Variants in ATRNL1 observed in about 807,000 individuals in gnomAD.
ATRNL1 encodes the protein attractin-like protein 1.
In ATRNL1, 95 loss-of-function variants were observed where a neutral mutation model predicts 182.7. The observed-to-expected ratio is 0.52, with a 90% CI of 0.44 to 0.62. The LOEUF (loss-of-function observed/expected upper bound fraction) is 0.62, where lower values mean the gene tolerates loss of function less well. ATRNL1 is among the 20% of genes least tolerant of loss of function. The pLI is 0.00. For missense variants in ATRNL1, 1,471 were observed against 1,679.5 expected (o/e 0.88, Z 2.17); for synonymous variants, 576 against 568.3 (o/e 1.01, Z -0.19).
At chr10:115,835,312 A>G (rs1285254533) in intron 27 of ATRNL1, among the ~76,000 whole-genome samples, 6 of 152,140 alleles carry the variant, frequency 3.9e-5, no homozygotes, top group African/African-American at 1.4e-4. Context: ...AGTAAGATAC[A>G]TTGAATCATT....
intron 27 of ATRNL1, among the ~76,000 whole-genome samples, chr10:115,741,054 C>T (rs1169195203): frequency 1.3e-5 from 2 of 152,016 alleles, no homozygotes; most frequent in Non-Finnish European, 2.9e-5. Context: ...ATACTATGAA[C>T]AATTGTCTCC....
At chr10:115,675,845 C>T (rs528627388) in intron 26 of ATRNL1, among the ~76,000 whole-genome samples, 1 of 152,100 alleles carries the variant, frequency 6.6e-6, no homozygotes, top group Admixed American at 6.6e-5. Flanking sequence ...TTATTATGCT[C>T]ATATCTTAAA....
At position 115,362,716 on chromosome 10, in the gene ATRNL1, T is replaced by A. The variant is rs974451527; in HGVS notation, c.3175+28297T>A. ...CCCCAGAGTGTGATATTCCCCTTCC[T>A]GTGTCCATGTGATCTCATTGTTCAA... On this transcript the variant is annotated intron_variant, in intron 19 of 28. Coordinates refer to ENST00000355044, the MANE Select transcript of ATRNL1 (RefSeq NM_207303.4). Among the ~76,000 whole-genome samples the A allele has an allele frequency of 7.9e-5, 12 of 151,862 alleles. No individual in the cohort carries two copies. The East Asian group carries it at 1.9e-3, about 25-fold the overall frequency.
At position 115,320,991 on chromosome 10, in the gene ATRNL1, ATTCT is replaced by A. The variant is rs1279123724; in HGVS notation, c.3037+5260_3037+5263del. On this transcript the variant is annotated intron_variant, in intron 18 of 28. Coordinates refer to ENST00000355044, the MANE Select transcript of ATRNL1 (RefSeq NM_207303.4). ...TTTGGCATTTTTGTTGTTGTTGTTG[ATTCT>A]TTCTCATCTTCTTGAGTTTGTCTAG... Among the ~76,000 whole-genome samples the A allele has an allele frequency of 5.9e-5, 9 of 151,604 alleles. No individual in the cohort carries two copies. The East Asian group carries it at 1.7e-3, about 29-fold the overall frequency.
At chr10:115,360,373 CAAA>C (rs1554943866) in intron 19 of ATRNL1, among the ~76,000 whole-genome samples, 2 of 151,622 alleles carry the variant, frequency 1.3e-5, no homozygotes, top group African/African-American at 2.4e-5. Context: ...AAAGAAAATA[CAAA>C]CAGTTCCCCC....
intron 27 of ATRNL1, among the ~76,000 whole-genome samples, chr10:115,800,494 AC>A (rs1949766851): frequency 6.6e-6 from 1 of 152,188 alleles, no homozygotes; most frequent in Non-Finnish European, 1.5e-5. Context: ...GAAGTATGTT[AC>A]CATCTGTTTT....
rs568844752 is a variant in ATRNL1, at chr10:115,758,551, A to G, written c.3903+31196A>G. 4.6e-5 allele frequency among the ~76,000 whole-genome samples: 7 copies of G among 152,180 alleles called. No homozygotes were observed. The South Asian group carries it at 1.4e-3, about 31-fold the overall frequency. On this transcript the variant is annotated intron_variant, in intron 27 of 28. Transcript: ENST00000355044. ...ATGCCAGCCAGAGCTCTCCTGTATG[A>G]GGTGTCTGTCGGCTCCTACTGGGAG... is the stretch of plus-strand genomic sequence containing the variant.
At chr10:115,463,453 C>T (rs1847909671) in intron 22 of ATRNL1, among the ~76,000 whole-genome samples, 1 of 152,058 alleles carries the variant, frequency 6.6e-6, no homozygotes, top group Non-Finnish European at 1.5e-5. Flanking sequence ...CTACATTTAT[C>T]AATGTGATAA....
At chr10:115,467,383 G>A in intron 23 of ATRNL1, 131 bp downstream of exon 23, 3 of 516,602 alleles carry the variant, frequency 5.8e-6, no homozygotes, top group East Asian at 3.5e-5. Context: ...TGCTGTTACT[G>A]GTAAAAATAA....
intron 1 of ATRNL1, among the ~76,000 whole-genome samples, chr10:115,119,892 A>G (rs1301847522): frequency 1.3e-5 from 2 of 152,078 alleles, no homozygotes; most frequent in African/African-American, 2.4e-5. Flanking sequence ...TCTATTTTGC[A>G]TCAACATTGA....
rs1290785363 is a variant in ATRNL1, at chr10:115,855,746, A to G, written c.4018+7755A>G. On this transcript the variant is annotated intron_variant, in intron 28 of 28. Transcript: ENST00000355044. ...CAAGCTACATATCTCAGGGACCGAA[A>G]TCAAGCCCAAAACTGTACTTTCAAT... 4.6e-5 allele frequency among the ~76,000 whole-genome samples: 7 copies of G among 152,348 alleles called. No individual in the cohort carries two copies. The Middle Eastern group carries it at 0.014, about 296-fold the overall frequency.
intron 1 of ATRNL1, among the ~76,000 whole-genome samples, chr10:115,119,304 A>C (rs554684126): frequency 6.6e-6 from 1 of 152,200 alleles, no homozygotes; most frequent in East Asian, 1.9e-4. Context: ...AGGAAAATTT[A>C]ATTTTATCTA....
At chr10:115,653,189 C>G (rs1405012602) in intron 26 of ATRNL1, among the ~76,000 whole-genome samples, 1 of 152,108 alleles carries the variant, frequency 6.6e-6, no homozygotes, top group Non-Finnish European at 1.5e-5. Flanking sequence ...TGTCACTTTT[C>G]AAAAGTGTTA....
rs534935993 is a variant in ATRNL1 at position 115,898,153 on chromosome 10, T to A, written c.4019-46505T>A. Among the ~76,000 whole-genome samples, 4 of 152,220 alleles carry A rather than the reference T, an allele frequency of 2.6e-5. No homozygotes were observed. The East Asian group carries it at 7.7e-4, about 29-fold the overall frequency. On this transcript the variant is annotated intron_variant, in intron 28 of 28. Transcript: ENST00000355044. ...TGTTGGCCAGGATGGTCTCAATCTC[T>A]TGACCTCATGATCTGCCCACCTTGG...
At chr10:115,327,928 A>C (rs1417968257) in intron 18 of ATRNL1, among the ~76,000 whole-genome samples, 1 of 151,130 alleles carries the variant, frequency 6.6e-6, no homozygotes, top group Non-Finnish European at 1.5e-5. Context: ...CACTCTGGGG[A>C]CTGTTGTGGG....
chr10:115,730,707 T>C (rs1947771807), intron 27 of ATRNL1, among the ~76,000 whole-genome samples: 1 of 152,282 alleles, frequency 6.6e-6, no homozygotes, highest in East Asian at 1.9e-4. Flanking sequence ...ATTTCTTCCC[T>C]GAGATGAGCC....
At chr10:115,942,845 TTA>T (rs1249212446) in intron 28 of ATRNL1, among the ~76,000 whole-genome samples, 1 of 152,146 alleles carries the variant, frequency 6.6e-6, no homozygotes, top group African/African-American at 2.4e-5. Flanking sequence ...TACTCAAGAG[TTA>T]TATGGGACTC....
intron 26 of ATRNL1, among the ~76,000 whole-genome samples, chr10:115,580,840 T>C (rs1855024877): frequency 6.6e-6 from 1 of 152,168 alleles, no homozygotes; most frequent in South Asian, 2.1e-4. Context: ...GAGTCCTCTA[T>C]TGATTTTTTC....
Position 115,451,814 on chromosome 10 carries a change from TG to T in ATRNL1, c.3323-10126del, listed in dbSNP as rs368056495. ...TACCATAAAGACACGTGCACACAAA[TG>T]TCCACTGCAGCACTGTTCACAATAG... On this transcript the variant is annotated intron_variant, in intron 21 of 28. Coordinates refer to ENST00000355044, the MANE Select transcript of ATRNL1 (RefSeq NM_207303.4). 5.7e-4 allele frequency among the ~76,000 whole-genome samples: 87 copies of T among 152,162 alleles called. 2 individuals carry two copies. The South Asian group carries it at 0.018, about 31-fold the overall frequency.
Sources: gnomAD v4.1 joint callset for allele counts (sites outside exome capture counted in the v4.1 genomes callset) on GRCh38, gnomAD v4.1.1 for gene constraint, MANE v1.5 for transcripts, NCBI Gene and HGNC (gene_info 2026-07-23, HGNC 2026-07-21) for gene names.